POPDC2: variants seen among roughly 807,000 people sequenced by gnomAD.
The protein encoded by POPDC2 is popeye domain cAMP effector 2, also known as popeye domain-containing protein 2.
POPDC2 carries 24 observed loss-of-function variants against 30.5 expected under a neutral mutation model. The ratio of observed to expected loss-of-function variants is 0.79; its 90% CI spans 0.57 to 1.11. The LOEUF is 1.11. Among genes scored for constraint, POPDC2 ranks in the 50% least tolerant of loss-of-function variants. The pLI is 0.00. For missense variants in POPDC2, 409 were observed against 447.0 expected, an observed-to-expected ratio of 0.91 and a Z score of 0.77; for synonymous variants, 185 against 183.3, an observed-to-expected ratio of 1.01 and a Z score of -0.07.
intron 3 of POPDC2, among the ~76,000 whole-genome samples, chr3:119,645,030 T>C (rs1016961153): frequency 1.2e-4 from 18 of 152,218 alleles, no homozygotes; most frequent in African/African-American, 4.3e-4. Flanking sequence ...TGAAAACCTC[T>C]ATGGCCTGAA....
chr3:119,655,118 G>A (rs902034413), intron 1 of POPDC2, among the ~76,000 whole-genome samples: 1 of 152,174 alleles, frequency 6.6e-6, no homozygotes, highest in African/African-American at 2.4e-5. Context: ...CCTAAGGTCA[G>A]GAGTTCGAGA....
At position 119,648,637 on chromosome 3, in the gene POPDC2, T is replaced by C. The variant is rs761164456; in HGVS notation, c.632A>G (p.Tyr211Cys). The C allele has an allele frequency of 6.2e-7, 1 of 1,613,934 alleles. No homozygotes were observed. Among genetic ancestry groups the C allele is most frequent in the African/African-American group, 1.3e-5 (1 of 74,902 alleles). ...GAGACTTTTCCGGGGCCAGGAAATG[T>C]AGCTACATGAGGTCTCAGCAGTCAG... ...VTLTAETSCS[Y>C]ISWPRKSLHL... Residue 211 changes from tyrosine (Y) to cysteine (C), a missense_variant, in exon 3 of 4, where the codon TAC becomes TGC. Transcript: ENST00000493094.
intron 3 of POPDC2, among the ~76,000 whole-genome samples, chr3:119,646,334 T>C (rs963300401): frequency 1.9e-4 from 29 of 151,946 alleles, no homozygotes; most frequent in African/African-American, 7.0e-4. Flanking sequence ...AATGGACACT[T>C]AAGAGCAGCA....
rs1350804758 is a variant in POPDC2, at chr3:119,642,205, T to C, written c.*400A>G. ...TTACCGATGAGGCTCACAGAGGCTA[T>C]GTAACTTGCCCAAGATTCTGCAGCT... On this transcript the variant is annotated 3_prime_UTR_variant, in exon 4 of 4. Transcript: ENST00000493094. The C allele has an allele frequency of 3.5e-6, 1 of 289,268 alleles. No homozygotes were observed. 17.9% of individuals were successfully genotyped at this position (289,268 alleles called of 1,614,324 possible).
intron 3 of POPDC2, among the ~76,000 whole-genome samples, chr3:119,643,744 A>ATCCTTT (rs1412639353): frequency 6.6e-6 from 1 of 152,174 alleles, no homozygotes; most frequent in African/African-American, 2.4e-5. Flanking sequence ...AATCCAAGGC[A>ATCCTTT]TCCTTTTCCC....
In POPDC2 at chr3:119,642,471, G is replaced by T. The variant is rs770063435; in HGVS notation, c.*134C>A. ...CTGGCCACAGAGAAGATAGTCCAAT[G>T]ATCCTTAAAGTTCAGGCGTGTGGGT... On this transcript the variant is annotated 3_prime_UTR_variant, in exon 4 of 4. Transcript: ENST00000493094. 3.1e-6 allele frequency: 5 copies of T among 1,596,476 alleles called. No individual in the cohort carries two copies. The South Asian group carries it at 4.4e-5, about 14-fold the overall frequency.
At chr3:119,644,501 T>G (rs1269840230) in intron 3 of POPDC2, among the ~76,000 whole-genome samples, 2 of 152,190 alleles carry the variant, frequency 1.3e-5, no homozygotes, top group Non-Finnish European at 2.9e-5. Flanking sequence ...CAGCATAGTT[T>G]TGCCTATTAA....
At position 119,660,162 on chromosome 3, in the gene POPDC2, A is replaced by G. The variant is rs960899789; in HGVS notation, c.262T>C (p.Cys88Arg). 1.2e-6 allele frequency: 2 copies of G among 1,614,114 alleles called. No homozygotes were observed. The highest frequency in any genetic ancestry group is 1.7e-6 in the Non-Finnish European group (2 of 1,180,042). ...VLWSFLLAVV[C>R]LLQLAHLVYR... ...ACCAGGTGTGCCAGCTGGAGCAGGCAGACCACAGCCAGCAGGAAGCTCCAA... is the reference window on the plus strand; with the variant it reads ...ACCAGGTGTGCCAGCTGGAGCAGGCGGACCACAGCCAGCAGGAAGCTCCAA... The change falls in exon 1 of 4, where the codon TGC becomes CGC. Residue 88 changes from cysteine (C) to arginine (R), a missense_variant. Cys to Arg is a radical substitution (Grantham distance 180, BLOSUM62 -3). Transcript: ENST00000493094.
chr3:119,644,029 T>C (rs996495710), intron 3 of POPDC2, among the ~76,000 whole-genome samples: 1 of 152,190 alleles, frequency 6.6e-6, no homozygotes, highest in African/African-American at 2.4e-5. Flanking sequence ...CAACTACTTA[T>C]CATGTGATTA....
chr3:119,647,508 T>C (rs989310840), intron 3 of POPDC2, among the ~76,000 whole-genome samples: 2 of 152,226 alleles, frequency 1.3e-5, no homozygotes, highest in Admixed American at 6.5e-5. Flanking sequence ...GGCTGCCATA[T>C]ACCTATCTGA....
chr3:119,653,314 T>G (rs1327184038), intron 2 of POPDC2, among the ~76,000 whole-genome samples: 1 of 152,102 alleles, frequency 6.6e-6, no homozygotes, highest in Non-Finnish European at 1.5e-5. Context: ...TGCTAGCCAT[T>G]CAATAAGTGA....
At chr3:119,646,965 GT>G (rs1266934080) in intron 3 of POPDC2, among the ~76,000 whole-genome samples, 1 of 152,178 alleles carries the variant, frequency 6.6e-6, no homozygotes, top group Non-Finnish European at 1.5e-5. Flanking sequence ...GATCTGGGGT[GT>G]TAGATTGATC....
chr3:119,648,754 A>T (rs2052775584), intron 2 of POPDC2, 86 bp from the exon 3 acceptor site: 1 of 1,206,812 alleles, frequency 8.3e-7, no homozygotes, highest in Non-Finnish European at 1.2e-6. Flanking sequence ...TCACTTGGCA[A>T]ACAGCTGTAC....
chr3:119,660,549 T>C lies in POPDC2; in HGVS notation c.-126A>G. The C allele has an allele frequency of 9.0e-7, 1 of 1,110,914 alleles. No homozygotes were observed. The highest frequency in any genetic ancestry group is 2.9e-5 in the Admixed American group (1 of 35,052). The allele number at this position is 1,110,914 out of a possible 1,614,324, so 68.8% of individuals were successfully genotyped here. On this transcript the variant is annotated 5_prime_UTR_variant, in exon 1 of 4. Coordinates refer to ENST00000493094, the MANE Select transcript of POPDC2 (RefSeq NM_001369919.2). ...GGCTTCTCACTACCGACTCCACCTT[T>C]CCTAGAAGGAATGCTTCCGGTGGCT... is the stretch of plus-strand genomic sequence containing the variant.
chr3:119,656,658 T>G (rs889160207), intron 1 of POPDC2, among the ~76,000 whole-genome samples: 1 of 152,214 alleles, frequency 6.6e-6, no homozygotes, highest in African/African-American at 2.4e-5. Flanking sequence ...GAATCCAGTA[T>G]GGGCTTTATC....
chr3:119,644,125 C>T (rs1278772930), intron 3 of POPDC2, among the ~76,000 whole-genome samples: 6 of 152,100 alleles, frequency 3.9e-5, no homozygotes, highest in African/African-American at 1.2e-4. Flanking sequence ...ATCCTCCTGT[C>T]GAGGGGCTCC....
At position 119,653,578 on chromosome 3, in the gene POPDC2, C is replaced by T. The variant is rs549065623; in HGVS notation, c.600+927G>A. 9.7e-3 allele frequency among the ~76,000 whole-genome samples: 1,473 copies of T among 151,960 alleles called. 7 individuals carry two copies. Among genetic ancestry groups the T allele is most frequent in the Non-Finnish European group, 0.014 (951 of 67,954 alleles). On this transcript the variant is annotated intron_variant, in intron 2 of 3. Transcript: ENST00000493094. Reference sequence around the variant, plus strand: ...CTGCAAGCTCCGCCTCCCGGGTTCACGCCATTCTCCTGCCTCAGCCTCCCA... The same window carrying T: ...CTGCAAGCTCCGCCTCCCGGGTTCATGCCATTCTCCTGCCTCAGCCTCCCA...
Position 119,651,140 on chromosome 3 carries a change from C to T in POPDC2, c.601-2472G>A, listed in dbSNP as rs959571998. Among the ~76,000 whole-genome samples the T allele has an allele frequency of 3.3e-5, 5 of 152,348 alleles. No homozygotes were observed. In the South Asian group the frequency reaches 1.0e-3, roughly 32 times the overall value. ...CTGCTATTCCCTCCCCTTCCTCTCT[C>T]CATTCCAGGTCCACTGTCCTCCTTT... On this transcript the variant is annotated intron_variant, in intron 2 of 3. Transcript: ENST00000493094.
At chr3:119,654,834 C>T (rs1427804911) in intron 1 of POPDC2, 2 of 516,754 alleles carry the variant, frequency 3.9e-6, no homozygotes, top group Non-Finnish European at 6.9e-6. Flanking sequence ...TTTTCCTCCT[C>T]CTTCTCCTTA....
Sources: allele counts gnomAD v4.1 joint callset (sites outside exome capture counted in the v4.1 genomes callset), GRCh38; gene constraint gnomAD v4.1.1; transcripts MANE v1.5; gene names NCBI Gene and HGNC (gene_info 2026-07-23, HGNC 2026-07-21).